The following ALG6 variants were observed in gnomAD, a reference collection of about 807,000 sequenced individuals.
The protein encoded by ALG6 is dolichyl pyrophosphate Man9GlcNAc2 alpha-1,3-glucosyltransferase.
In ALG6, 46 loss-of-function variants were observed where a neutral mutation model predicts 66.6. The ratio of observed to expected loss-of-function variants is 0.69; its 90% confidence interval spans 0.55 to 0.88. The LOEUF (loss-of-function observed/expected upper bound fraction) is 0.88, where lower values mean the gene tolerates loss of function less well. Among genes scored for constraint, ALG6 ranks in the 40% least tolerant of loss-of-function variants. The probability of loss-of-function intolerance (pLI) is 0.00; values close to 1 mark genes in which losing one functional copy is unlikely to be tolerated. For synonymous variants in ALG6, 185 were observed against 203.7 expected (o/e 0.91, Z 0.78); for missense variants, 505 against 586.8 (o/e 0.86, Z 1.44).
intron 3 of ALG6, among the ~76,000 whole-genome samples, chr1:63,398,275 G>A (rs922759336): frequency 1.3e-5 from 2 of 152,180 alleles, no homozygotes; most frequent in Non-Finnish European, 2.9e-5. Flanking sequence ...ATGTCTCTTA[G>A]TAGGGGAATG....
chr1:63,403,051 C>T (rs1349558116), intron 4 of ALG6, among the ~76,000 whole-genome samples: 10 of 136,768 alleles, frequency 7.3e-5, no homozygotes, highest in Admixed American at 4.0e-4. Flanking sequence ...GCCGAGATCA[C>T]GCCACTGCAT....
At chr1:63,420,860 CAA>C (rs59787354) in intron 12 of ALG6, among the ~76,000 whole-genome samples, 4,170 of 125,846 alleles carry the variant, frequency 0.033, 164 homozygotes, top group African/African-American at 0.11. Context: ...GACTCTGTCT[CAA>C]AAAAAAAAAA....
At chr1:63,387,532 CTTTTTTTTTTTTTTTTT>C (rs760731397) in intron 2 of ALG6, among the ~76,000 whole-genome samples, 1 of 59,476 alleles carries the variant, frequency 1.7e-5, no homozygotes, top group African/African-American at 7.0e-5. Flanking sequence ...TTGTCTTTCT[CTTTTTTTTTTTTTTTTT>C]TTTTTTTTTT....
chr1:63,431,911 A>G (rs1170674927), intron 14 of ALG6, among the ~76,000 whole-genome samples: 1 of 152,180 alleles, frequency 6.6e-6, no homozygotes, highest in Admixed American at 6.5e-5. Flanking sequence ...TGGATTTCCT[A>G]CAGTTTTCAA....
At chr1:63,435,650 T>G (rs1265561223) in intron 14 of ALG6, among the ~76,000 whole-genome samples, 1 of 152,192 alleles carries the variant, frequency 6.6e-6, no homozygotes, top group East Asian at 1.9e-4. Flanking sequence ...AAGATCTTGC[T>G]GGTCTTTGTC....
chr1:63,400,311 ATATATATACGTATATATATATATACG>A (rs1644454791), intron 3 of ALG6, among the ~76,000 whole-genome samples: 2 of 14,312 alleles, frequency 1.4e-4, no homozygotes, highest in Non-Finnish European at 2.1e-4. Flanking sequence ...ATATATGTAT[ATATATATACGTATATATATATATACG>A]TATATATATA....
chr1:63,407,330 C>T (rs1205096070), intron 7 of ALG6, among the ~76,000 whole-genome samples: 1 of 152,016 alleles, frequency 6.6e-6, no homozygotes, highest in Non-Finnish European at 1.5e-5. Context: ...ATTGCTTTTT[C>T]ATGTTGTTTG....
chr1:63,428,680 G>T (rs1422783585), intron 12 of ALG6, 53 bp from the exon 13 acceptor site: 2 of 1,239,594 alleles, frequency 1.6e-6, no homozygotes, highest in Non-Finnish European at 2.3e-6. Context: ...TTACAATTAG[G>T]AGTTGAAGTT....
At chr1:63,423,801 T>G (rs1644600452) in intron 12 of ALG6, among the ~76,000 whole-genome samples, 1 of 152,226 alleles carries the variant, frequency 6.6e-6, no homozygotes, top group East Asian at 1.9e-4. Flanking sequence ...CTGTGAATAT[T>G]CATGTACAAG....
At position 63,429,071 on chromosome 1, in the gene ALG6, C is replaced by T; in HGVS notation, c.1271C>T (p.Ser424Phe). The T allele has an allele frequency of 6.2e-7, 1 of 1,604,852 alleles. No individual in the cohort carries two copies. The highest frequency in any genetic ancestry group is 2.2e-5 in the East Asian group (1 of 44,648). Residue 424 changes from serine to phenylalanine, a missense_variant, in exon 14 of 15, where the codon TCT becomes TTT. Physicochemically the swap from Ser to Phe is radical, Grantham distance 155. Coordinates refer to ENST00000263440, the MANE Select transcript of ALG6 (RefSeq NM_013339.4). ...EELQLKSFSI[S>F]VRKYLPCFTF... ...CTGCAGTTGAAATCCTTTTCCATTT[C>T]TGTGAGGAAATATCTTCCATGTTTT...
chr1:63,385,644 T>C (rs1648481463), intron 2 of ALG6, among the ~76,000 whole-genome samples: 1 of 152,238 alleles, frequency 6.6e-6, no homozygotes, highest in African/African-American at 2.4e-5. Flanking sequence ...ACAGAAGTAC[T>C]AGTGATTTTT....
intron 7 of ALG6, among the ~76,000 whole-genome samples, chr1:63,407,613 G>A (rs1570066440): frequency 6.6e-6 from 1 of 151,630 alleles, no homozygotes; most frequent in Non-Finnish European, 1.5e-5. Flanking sequence ...CCTAAAATAA[G>A]GAACATTCAA....
chr1:63,435,680 A>G (rs143982935), intron 14 of ALG6, among the ~76,000 whole-genome samples: 44 of 152,306 alleles, frequency 2.9e-4, no homozygotes, highest in African/African-American at 9.6e-4. Flanking sequence ...CTCACAGTCT[A>G]GAGTCACAGT....
Position 63,376,133 on chromosome 1 carries a change from G to C in ALG6, c.82+5074G>C, listed in dbSNP as rs12043893. Among the ~76,000 whole-genome samples the C allele has an allele frequency of 4.4e-3, 666 of 152,200 alleles. 4 individuals are homozygous for C. The highest frequency in any genetic ancestry group is 0.015 in the African/African-American group (638 of 41,500). On this transcript the variant is annotated intron_variant, in intron 2 of 14. Transcript: ENST00000263440. Reference sequence around the variant, plus strand: ...TTGTAGAGTGACTTACACCAACTCAGATTGTACAGCCTACTACACCTAGGC... The same window carrying C: ...TTGTAGAGTGACTTACACCAACTCACATTGTACAGCCTACTACACCTAGGC...
At chr1:63,422,152 T>TG (rs1644578800) in intron 12 of ALG6, among the ~76,000 whole-genome samples, 1 of 51,652 alleles carries the variant, frequency 1.9e-5, no homozygotes, top group Non-Finnish European at 3.3e-5. Context: ...TATATAAATA[T>TG]AAATATATAT....
chr1:63,368,082 T>C (rs1647787358), intron 1 of ALG6, among the ~76,000 whole-genome samples: 1 of 152,070 alleles, frequency 6.6e-6, no homozygotes. Context: ...CAAAGTCGGT[T>C]CTGGGATGGG....
intron 11 of ALG6, among the ~76,000 whole-genome samples, chr1:63,418,952 A>G (rs768502199): frequency 6.6e-5 from 10 of 152,230 alleles, no homozygotes; most frequent in Non-Finnish European, 1.2e-4. Context: ...ATAAAACATT[A>G]ATATATTTTA....
chr1:63,381,662 G>A (rs1202066467), intron 2 of ALG6, among the ~76,000 whole-genome samples: 1 of 113,266 alleles, frequency 8.8e-6, no homozygotes, highest in South Asian at 3.8e-4. Context: ...AGAAAAGAAG[G>A]AAGGGAGGGG....
intron 2 of ALG6, among the ~76,000 whole-genome samples, chr1:63,381,078 G>A (rs765469359): frequency 2.2e-4 from 33 of 152,184 alleles, no homozygotes; most frequent in Non-Finnish European, 4.4e-4. Context: ...CCAGCACTTT[G>A]AGAGGCCGAG....
Sources: gnomAD v4.1 joint callset for allele counts (sites outside exome capture counted in the v4.1 genomes callset) on GRCh38, gnomAD v4.1.1 for gene constraint, MANE v1.5 for transcripts, NCBI Gene and HGNC (gene_info 2026-07-23, HGNC 2026-07-21) for gene names.